ST14: variants seen among roughly 807,000 people sequenced by gnomAD.
The protein encoded by ST14 is ST14 transmembrane serine protease matriptase, also known as suppressor of tumorigenicity 14 protein.
A neutral mutation model predicts 96.5 loss-of-function variants in ST14; 40 were observed. The ratio of observed to expected loss-of-function variants is 0.41; its 90% CI spans 0.32 to 0.54. The LOEUF (loss-of-function observed/expected upper bound fraction) is 0.54. Among genes scored for constraint, ST14 ranks in the 20% least tolerant of loss-of-function variants. ST14 has a pLI of 0.17. For synonymous variants in ST14, 506 were observed against 492.1 expected (o/e 1.03, Z -0.37); for missense variants, 1,066 against 1,188.9 (o/e 0.90, Z 1.52).
Position 130,194,168 on chromosome 11 carries a change from C to T in ST14, c.895C>T (p.Pro299Ser). 6 of 1,614,194 alleles carry T rather than the reference C, an allele frequency of 3.7e-6. No individual in the cohort carries two copies. The highest frequency in any genetic ancestry group is 5.1e-6 in the Non-Finnish European group (6 of 1,180,032). The change falls in exon 8 of 19, where the codon CCC becomes TCC. Residue 299 changes from proline (P) to serine (S), a missense_variant. Physicochemically the swap from Pro to Ser is moderately conservative, Grantham distance 74. Transcript: ENST00000278742. ...CCACAGGTTGTGTGGCACCTACCCT[C>T]CCTCCTACAACCTGACCTTCCACTC... ...ALVQLCGTYP[P>S]SYNLTFHSSQ...
At chr11:130,161,812 A>T (rs1246678094) in intron 1 of ST14, among the ~76,000 whole-genome samples, 1 of 152,192 alleles carries the variant, frequency 6.6e-6, no homozygotes, top group African/African-American at 2.4e-5. Context: ...GGGTGAAGGG[A>T]AGGCTCTCAG....
At chr11:130,175,036 TAGG>T (rs936096424) in intron 1 of ST14, among the ~76,000 whole-genome samples, 2 of 152,238 alleles carry the variant, frequency 1.3e-5, no homozygotes, top group Non-Finnish European at 2.9e-5. Context: ...AGCATTCATG[TAGG>T]AGAACTGCAG....
intron 10 of ST14, 22 bp downstream of exon 10, chr11:130,196,470 G>T: frequency 2.5e-6 from 4 of 1,598,378 alleles, no homozygotes; most frequent in Non-Finnish European, 3.4e-6. Context: ...GGGGTATGGG[G>T]GCTGCCGGGC....
chr11:130,169,292 G>A (rs754225958), intron 1 of ST14, among the ~76,000 whole-genome samples: 24 of 151,914 alleles, frequency 1.6e-4, no homozygotes, highest in Non-Finnish European at 2.8e-4. Flanking sequence ...ACAGGGTTTC[G>A]CCATGTTGGC....
chr11:130,174,409 AGT>A (rs541069739), intron 1 of ST14, among the ~76,000 whole-genome samples: 105 of 150,192 alleles, frequency 7.0e-4, no homozygotes, highest in Admixed American at 1.1e-3. Flanking sequence ...GATAGCTGAA[AGT>A]GTGGCAGAGC....
intron 1 of ST14, among the ~76,000 whole-genome samples, chr11:130,172,250 G>T (rs1953099254): frequency 1.3e-5 from 2 of 151,696 alleles, no homozygotes; most frequent in African/African-American, 4.8e-5. Flanking sequence ...GAGTAGCTGT[G>T]CCACCATGCT....
At chr11:130,163,591 A>G (rs1191062538) in intron 1 of ST14, among the ~76,000 whole-genome samples, 1 of 152,084 alleles carries the variant, frequency 6.6e-6, no homozygotes, top group Non-Finnish European at 1.5e-5. Context: ...TCTCTAGAGC[A>G]TGTGCTGGGC....
At position 130,190,670 on chromosome 11, in the gene ST14, C is replaced by A; in HGVS notation, c.851C>A (p.Pro284His). ...DLVTVYNTLS[P>H]MEPHALVQLC... ...GTGACGGTGTACAACACCCTGAGCC[C>A]CATGGAGCCCCACGCCCTGGTGCAG... The change falls in exon 7 of 19, where the codon CCC (proline) becomes CAC (histidine). Residue 284 changes from proline (P) to histidine (H), a missense_variant. Pro to His is a moderately conservative substitution (Grantham distance 77, BLOSUM62 -2). Transcript: ENST00000278742. The A allele has an allele frequency of 6.3e-7, 1 of 1,595,702 alleles. No individual in the cohort carries two copies. The highest frequency in any genetic ancestry group is 1.3e-5 in the African/African-American group (1 of 74,558).
At chr11:130,205,487 C>T (rs940685181) in intron 16 of ST14, among the ~76,000 whole-genome samples, 1 of 152,158 alleles carries the variant, frequency 6.6e-6, no homozygotes, top group Non-Finnish European at 1.5e-5. Context: ...ATCACGTTTG[C>T]TTTCTCTCTG....
intron 4 of ST14, 142 bp from the exon 5 acceptor site, chr11:130,189,597 C>T: frequency 1.8e-6 from 2 of 1,084,270 alleles, no homozygotes; most frequent in Non-Finnish European, 2.7e-6. Flanking sequence ...AGAGGGATGA[C>T]ACAAGAGGAG....
intron 1 of ST14, among the ~76,000 whole-genome samples, chr11:130,175,305 T>TC (rs1207277270): frequency 6.6e-6 from 1 of 151,968 alleles, no homozygotes; most frequent in Admixed American, 6.6e-5. Context: ...ATTGGTGGGT[T>TC]TTTTTTTGTT....
intron 1 of ST14, among the ~76,000 whole-genome samples, chr11:130,173,326 G>A (rs970048270): frequency 3.3e-5 from 5 of 152,120 alleles, no homozygotes; most frequent in East Asian, 1.9e-4. Flanking sequence ...GGCTGGGCGC[G>A]GTGGCTCATG....
chr11:130,169,099 T>G (rs1332672758), intron 1 of ST14, among the ~76,000 whole-genome samples: 2 of 142,312 alleles, frequency 1.4e-5, no homozygotes, highest in Admixed American at 6.9e-5. Flanking sequence ...TGGGTTTTTT[T>G]TTTTTTTTTT....
In ST14 at chr11:130,190,554, G is replaced by A; in HGVS notation, c.735G>A (p.Gln245=). Residue 245 remains glutamine (Q), a synonymous_variant, in exon 7 of 19, where the codon CAG becomes CAA. Transcript: ENST00000278742. The part of the protein sequence containing the change: ...DSPYPAHARC[Q]WALRGDADSV... ...CCTACCCCGCTCATGCCCGCTGCCA[G>A]TGGGCCCTGCGGGGGGACGCCGACT... The A allele has an allele frequency of 6.2e-7, 1 of 1,612,322 alleles. No individual in the cohort carries two copies. Among genetic ancestry groups the A allele is most frequent in the East Asian group, 2.2e-5 (1 of 44,882 alleles).
intron 1 of ST14, among the ~76,000 whole-genome samples, chr11:130,174,510 G>T (rs577682977): frequency 1.3e-5 from 2 of 150,760 alleles, no homozygotes; most frequent in African/African-American, 4.9e-5. Context: ...AGGTGTGTGG[G>T]TGTGGGGTGG....
In ST14 at chr11:130,207,147, G is replaced by A. The variant is rs970178808; in HGVS notation, c.1995-1263G>A. Among the ~76,000 whole-genome samples the A allele has an allele frequency of 2.3e-4, 35 of 152,294 alleles. No individual in the cohort carries two copies. The South Asian group carries it at 4.8e-3, about 21-fold the overall frequency. ...ATGCTTCCCATTAAGCCCCAGATCCGAAATCAGCTGTTTTTCCAAGGAGCC... is the reference window on the plus strand; with the variant it reads ...ATGCTTCCCATTAAGCCCCAGATCCAAAATCAGCTGTTTTTCCAAGGAGCC... On this transcript the variant is annotated intron_variant, in intron 16 of 18. Transcript: ENST00000278742.
rs779187925 is a variant in ST14, at chr11:130,196,562, C to CT, written c.1224-8_1224-7insT. On this transcript the variant is annotated splice_region_variant and splice_polypyrimidine_tract_variant and intron_variant, in intron 10 of 18. Coordinates refer to ENST00000278742, the MANE Select transcript of ST14 (RefSeq NM_021978.4). ...CCCTCCTCACCTTGTGCCCCGCCCC[C>CT]CCTCCAGATACTGCGGAGAGAGGTC... is the stretch of plus-strand genomic sequence containing the variant. The CT allele has an allele frequency of 6.8e-4, 1,103 of 1,611,166 alleles. 2 individuals are homozygous for CT. The highest frequency in any genetic ancestry group is 9.0e-4 in the Non-Finnish European group (1,055 of 1,177,998).
At position 130,196,717 on chromosome 11, in the gene ST14, G is replaced by C. The variant is rs370495405; in HGVS notation, c.1354+17G>C. 15 of 1,614,184 alleles carry C rather than the reference G, an allele frequency of 9.3e-6. No homozygotes were observed. Among genetic ancestry groups the C allele is most frequent in the Non-Finnish European group, 1.3e-5 (15 of 1,180,048 alleles). On this transcript the variant is annotated intron_variant, in intron 11 of 18. Coordinates refer to ENST00000278742, the MANE Select transcript of ST14 (RefSeq NM_021978.4). ...CCAGTGACCGTGAGTGAACATTGTTGGGAGGAGGGCTGGCGGGGGCCTGCA... is the reference window on the plus strand; with the variant it reads ...CCAGTGACCGTGAGTGAACATTGTTCGGAGGAGGGCTGGCGGGGGCCTGCA...
rs1303724594 is a variant in ST14, at chr11:130,188,735, G to T, written c.369+78G>T. On this transcript the variant is annotated intron_variant, in intron 3 of 18. Transcript: ENST00000278742. This position sits in a 1 kb window ranked among gnomAD's most constrained non-coding sequence, Gnocchi z 5.4. ...CTGCTGGGCAGGAGGGACATGCCTC[G>T]CCTGTGCTCCCAGGGCCCTGGGATG... 4.3e-6 allele frequency: 7 copies of T among 1,611,672 alleles called. No homozygotes were observed. In the African/African-American group the frequency reaches 5.3e-5, roughly 12 times the overall value.
Sources: gnomAD v4.1 joint callset for allele counts (sites outside exome capture counted in the v4.1 genomes callset) on GRCh38, gnomAD v4.1.1 for gene constraint, Gnocchi (gnomAD v3.1) non-coding constraint, MANE v1.5 for transcripts, NCBI Gene and HGNC (gene_info 2026-07-23, HGNC 2026-07-21) for gene names.